LRRFIP2: variants seen among roughly 807,000 people sequenced by gnomAD.
LRRFIP2 encodes the protein LRR binding FLII interacting protein 2.
A neutral mutation model predicts 125.9 loss-of-function variants in LRRFIP2; 109 were observed. That is an observed-to-expected ratio of 0.87 (90% CI 0.74 to 1.01). LRRFIP2 has a LOEUF of 1.01. Ranked by LOEUF, LRRFIP2 falls within the 50% of genes least tolerant of loss-of-function variation. The probability of loss-of-function intolerance (pLI) is 0.00; values close to 1 mark genes in which losing one functional copy is unlikely to be tolerated. For missense variants in LRRFIP2, 850 were observed against 862.3 expected, an observed-to-expected ratio of 0.99 and a Z score of 0.18; for synonymous variants, 291 against 293.1, an observed-to-expected ratio of 0.99 and a Z score of 0.07.
In LRRFIP2 at chr3:37,063,729, A is replaced by C; in HGVS notation, c.1749+13T>G. 1 of 1,599,516 alleles carries C rather than the reference A, an allele frequency of 6.3e-7. No individual in the cohort carries two copies. Among genetic ancestry groups the C allele is most frequent in the Middle Eastern group, 1.7e-4 (1 of 6,040 alleles). ...GTTAAAATTATATTACACTCCAATA[A>C]GAATGCCTTTACCTGTGACAGTAGT... On this transcript the variant is annotated intron_variant, in intron 24 of 27. Transcript: ENST00000336686.
intron 15 of LRRFIP2, among the ~76,000 whole-genome samples, chr3:37,097,442 A>G (rs777509739): frequency 1.6e-4 from 24 of 152,076 alleles, no homozygotes; most frequent in Non-Finnish European, 3.1e-4. Context: ...TTATCCATTT[A>G]TTTATTGTCT....
chr3:37,156,459 G>T (rs2096196579), intron 1 of LRRFIP2, among the ~76,000 whole-genome samples: 1 of 150,164 alleles, frequency 6.7e-6, no homozygotes, highest in African/African-American at 2.5e-5. Flanking sequence ...AGATCATGAG[G>T]TCAGGAGATC....
upstream of LRRFIP2, chr3:37,174,633 G>A (rs2096632234): frequency 6.6e-6 from 1 of 151,794 alleles, no homozygotes; most frequent in Non-Finnish European, 1.5e-5. Context: ...GGGGGAAGGA[G>A]TAAAATCAAA....
chr3:37,119,260 G>C (rs950010240), intron 6 of LRRFIP2, among the ~76,000 whole-genome samples: 1 of 152,006 alleles, frequency 6.6e-6, no homozygotes, highest in African/African-American at 2.4e-5. Context: ...TCAACATAAT[G>C]AAATTAAATA....
chr3:37,165,760 AAAAAGAAAAGAAAAG>A (rs201388088), intron 1 of LRRFIP2, among the ~76,000 whole-genome samples: 1 of 150,004 alleles, frequency 6.7e-6, no homozygotes, highest in Admixed American at 6.6e-5. Flanking sequence ...CTGTCACAAA[AAAAAGAAAAGAAAAG>A]AAAAGAAAAG....
At chr3:37,166,287 G>A (rs928414770) in intron 1 of LRRFIP2, among the ~76,000 whole-genome samples, 1 of 151,854 alleles carries the variant, frequency 6.6e-6, no homozygotes, top group Non-Finnish European at 1.5e-5. Flanking sequence ...CCGAGATTGG[G>A]CCACTGCACT....
In LRRFIP2 at chr3:37,060,822, A is replaced by C. The variant is rs58118402; in HGVS notation, c.1750-1912T>G. On this transcript the variant is annotated intron_variant, in intron 24 of 27. Coordinates refer to ENST00000336686, the MANE Select transcript of LRRFIP2 (RefSeq NM_006309.4). This position sits in a 1 kb window ranked among gnomAD's most constrained non-coding sequence, Gnocchi z 4.1. The stretch of plus-strand genomic sequence containing the variant: ...AGCTCCCAACTTGCACTCCCTCTAG[A>C]CTATTCCTGTCTTAATTTTTGGCAA... Among the ~76,000 whole-genome samples the C allele has an allele frequency of 0.012, 1,785 of 152,144 alleles. 22 individuals carry two copies. The highest frequency in any genetic ancestry group is 0.04 in the African/African-American group (1,663 of 41,518).
intron 1 of LRRFIP2, among the ~76,000 whole-genome samples, chr3:37,163,941 G>A (rs2096410781): frequency 6.6e-6 from 1 of 152,138 alleles, no homozygotes; most frequent in African/African-American, 2.4e-5. Flanking sequence ...GACCACAGGT[G>A]TTCATGTATT....
intron 1 of LRRFIP2, among the ~76,000 whole-genome samples, chr3:37,172,031 A>C (rs1176889244): frequency 6.6e-6 from 1 of 152,232 alleles, no homozygotes; most frequent in Non-Finnish European, 1.5e-5. Context: ...AGATGGATAA[A>C]GAATACAAAG....
In LRRFIP2 at chr3:37,080,714, TA is replaced by T. The variant is rs1559747948; in HGVS notation, c.1278+2921del. Among the ~76,000 whole-genome samples, 3 of 152,228 alleles carry T rather than the reference TA, an allele frequency of 2.0e-5. No homozygotes were observed. In the East Asian group the frequency reaches 5.8e-4, roughly 29 times the overall value. On this transcript the variant is annotated intron_variant, in intron 19 of 27. Coordinates refer to ENST00000336686, the MANE Select transcript of LRRFIP2 (RefSeq NM_006309.4). ...ATGGGGACGAAAACGGAAAAACTTGTAAGACTGGGAAATATTAAGCAACCCA... is the reference window on the plus strand; with the variant it reads ...ATGGGGACGAAAACGGAAAAACTTGTAGACTGGGAAATATTAAGCAACCCA...
In LRRFIP2 at chr3:37,060,942, A is replaced by T. The variant is rs2088467364; in HGVS notation, c.1750-2032T>A. 6.7e-6 allele frequency among the ~76,000 whole-genome samples: 1 copy of T among 150,256 alleles called. No individual in the cohort carries two copies. Among genetic ancestry groups the T allele is most frequent in the South Asian group, 2.1e-4 (1 of 4,754 alleles). ...ACGGTTTGGATGTCTGTCCCCTCCAAATCTCATGTTGAAATGTATTCCCCA... is the reference window on the plus strand; with the variant it reads ...ACGGTTTGGATGTCTGTCCCCTCCATATCTCATGTTGAAATGTATTCCCCA... On this transcript the variant is annotated intron_variant, in intron 24 of 27. Coordinates refer to ENST00000336686, the MANE Select transcript of LRRFIP2 (RefSeq NM_006309.4). This position sits in a 1 kb window ranked among gnomAD's most constrained non-coding sequence, Gnocchi z 4.1.
At chr3:37,094,732 C>T in intron 17 of LRRFIP2, 60 bp downstream of exon 17, 1 of 999,484 alleles carries the variant, frequency 1.0e-6, no homozygotes, top group Non-Finnish European at 1.6e-6. Flanking sequence ...GTTAAAAGTT[C>T]CAGTATATTA....
chr3:37,123,309 C>A (rs1213295454), intron 4 of LRRFIP2, among the ~76,000 whole-genome samples: 1 of 152,104 alleles, frequency 6.6e-6, no homozygotes. Flanking sequence ...GTGCTTTGGC[C>A]CCCTACTAAG....
At chr3:37,147,194 A>C (rs1273955103) in intron 2 of LRRFIP2, among the ~76,000 whole-genome samples, 1 of 152,162 alleles carries the variant, frequency 6.6e-6, no homozygotes, top group Non-Finnish European at 1.5e-5. Context: ...GATTATTAAA[A>C]AGTCAAGAAA....
At chr3:37,079,793 A>T (rs1227628523) in intron 19 of LRRFIP2, among the ~76,000 whole-genome samples, 1 of 152,224 alleles carries the variant, frequency 6.6e-6, no homozygotes, top group Non-Finnish European at 1.5e-5. Context: ...TGAACCTTGA[A>T]AACATCACGC....
At chr3:37,105,275 C>T (rs2094261395) in intron 14 of LRRFIP2, among the ~76,000 whole-genome samples, 180 bp downstream of exon 14, 1 of 152,168 alleles carries the variant, frequency 6.6e-6, no homozygotes, top group Admixed American at 6.5e-5. Flanking sequence ...AAAGCTTGCA[C>T]AGCCCACAGA....
intron 15 of LRRFIP2, 152 bp from the exon 16 acceptor site, chr3:37,096,812 A>G (rs2093742064): frequency 5.5e-6 from 3 of 548,614 alleles, no homozygotes; most frequent in South Asian, 4.9e-5. Flanking sequence ...CCAGTTTAAC[A>G]TAAGATAAAA....
chr3:37,076,349 A>T (rs1391855321), intron 19 of LRRFIP2, among the ~76,000 whole-genome samples: 1 of 151,540 alleles, frequency 6.6e-6, no homozygotes, highest in Non-Finnish European at 1.5e-5. Flanking sequence ...ACATGGCAAA[A>T]CCCCATCTCT....
At position 37,083,306 on chromosome 3, in the gene LRRFIP2, C is replaced by T. The variant is rs947718556; in HGVS notation, c.1278+330G>A. Among the ~76,000 whole-genome samples, 5 of 152,080 alleles carry T rather than the reference C, an allele frequency of 3.3e-5. No individual in the cohort carries two copies. The East Asian group carries it at 5.8e-4, about 18-fold the overall frequency. On this transcript the variant is annotated intron_variant, in intron 19 of 27. Coordinates refer to ENST00000336686, the MANE Select transcript of LRRFIP2 (RefSeq NM_006309.4). ...CCTATTGAGAGTCTTTGGAGCTTTGCGGGAGTTCCAGTCACTTGTAACCAG... is the reference window on the plus strand; with the variant it reads ...CCTATTGAGAGTCTTTGGAGCTTTGTGGGAGTTCCAGTCACTTGTAACCAG...
Sources: allele counts gnomAD v4.1 joint callset (sites outside exome capture counted in the v4.1 genomes callset), GRCh38; gene constraint gnomAD v4.1.1; non-coding constraint Gnocchi (gnomAD v3.1); transcripts MANE v1.5; gene names NCBI Gene and HGNC (gene_info 2026-07-23, HGNC 2026-07-21).